MAPK10: variants seen among roughly 807,000 people sequenced by gnomAD.
The protein encoded by MAPK10 is mitogen-activated protein kinase 10.
In MAPK10, 25 loss-of-function variants were observed where a neutral mutation model predicts 59.3. The ratio of observed to expected loss-of-function variants is 0.42; its 90% CI spans 0.31 to 0.59. The LOEUF (loss-of-function observed/expected upper bound fraction) is 0.59. MAPK10 is among the 20% of genes least tolerant of loss of function. The pLI is 0.15. For missense variants in MAPK10, 351 were observed against 568.9 expected (o/e 0.62, Z 3.90); for synonymous variants, 190 against 200.5 (o/e 0.95, Z 0.44).
intron 2 of MAPK10, among the ~76,000 whole-genome samples, chr4:86,245,836 A>G (rs2093049179): frequency 6.6e-6 from 1 of 152,206 alleles, no homozygotes; most frequent in Admixed American, 6.5e-5. Flanking sequence ...GTTTTCTGAT[A>G]TGCAAAATGA....
Position 86,098,726 on chromosome 4 carries a change from G to A in MAPK10, c.731-131C>T, listed in dbSNP as rs1641444512. On this transcript the variant is annotated intron_variant, in intron 8 of 13. Transcript: ENST00000641462. ...CAATTTTCACCTCCCACCAAAAGTTGGCCAAAATGTGAATTCAAACCAGCG... is the reference window on the plus strand; with the variant it reads ...CAATTTTCACCTCCCACCAAAAGTTAGCCAAAATGTGAATTCAAACCAGCG... The A allele has an allele frequency of 4.1e-6, 3 of 739,174 alleles. No homozygotes were observed. In the African/African-American group the frequency reaches 5.2e-5, roughly 13 times the overall value. The allele number at this position is 739,174 out of a possible 1,614,324, so 45.8% of individuals were successfully genotyped here.
At chr4:86,193,760 T>C (rs1386196015) in intron 3 of MAPK10, 5 of 157,714 alleles carry the variant, frequency 3.2e-5, no homozygotes, top group Non-Finnish European at 6.8e-5. Context: ...CCAGGGGGGG[T>C]GAATGGTTCT....
intron 2 of MAPK10, among the ~76,000 whole-genome samples, chr4:86,256,743 T>C (rs868628776): frequency 0.038 from 4,973 of 131,306 alleles, 281 homozygotes; most frequent in African/African-American, 0.11. Context: ...TCTTTTTTTT[T>C]TTTTTTTTTT....
intron 1 of MAPK10, among the ~76,000 whole-genome samples, chr4:86,502,402 C>G (rs916708347): frequency 2.0e-5 from 3 of 152,082 alleles, no homozygotes; most frequent in Admixed American, 2.0e-4. Flanking sequence ...CTTGCTTCTA[C>G]TGAATTCTCC....
chr4:86,509,133 T>C (rs1756016648), intron 1 of MAPK10, among the ~76,000 whole-genome samples: 1 of 152,194 alleles, frequency 6.6e-6, no homozygotes, highest in African/African-American at 2.4e-5. Context: ...GATCTTTTTT[T>C]AGAGCATTTT....
At chr4:86,194,443 T>G (rs144404620) in intron 2 of MAPK10, 36 bp from the exon 3 acceptor site, 57 of 1,238,022 alleles carry the variant, frequency 4.6e-5, no homozygotes, top group Middle Eastern at 3.8e-4. Context: ...AATTTTCAAA[T>G]CACTAGTTTT....
At chr4:86,494,622 G>A (rs967205899) in intron 1 of MAPK10, among the ~76,000 whole-genome samples, 1 of 151,840 alleles carries the variant, frequency 6.6e-6, no homozygotes, top group East Asian at 1.9e-4. Flanking sequence ...GAGGCGGGCG[G>A]ATCACGAGGT....
chr4:86,572,966 G>C (rs1426218455), intron 1 of MAPK10, among the ~76,000 whole-genome samples: 2 of 151,842 alleles, frequency 1.3e-5, no homozygotes, highest in African/African-American at 4.8e-5. Flanking sequence ...TAAATCTTTT[G>C]CCCAATTAAA....
chr4:86,276,603 C>T (rs1375141672), intron 2 of MAPK10, among the ~76,000 whole-genome samples: 1 of 152,184 alleles, frequency 6.6e-6, no homozygotes, highest in African/African-American at 2.4e-5. Context: ...ACTCCTCTTT[C>T]TCCTTCCTTG....
chr4:86,125,726 A>C (rs1245420815), intron 4 of MAPK10: 1 of 152,178 alleles, frequency 6.6e-6, no homozygotes, highest in African/African-American at 2.4e-5. Context: ...CTACATGGCA[A>C]CTTGGATGAG....
chr4:86,231,634 A>G (rs7679167), intron 2 of MAPK10, among the ~76,000 whole-genome samples: 12,912 of 151,908 alleles, frequency 0.085, 1,221 homozygotes, highest in African/African-American at 0.23. Context: ...CTGCACTCCA[A>G]CCTGGTGACA....
At chr4:86,353,596 A>G (rs1343988254) in intron 2 of MAPK10, among the ~76,000 whole-genome samples, 3 of 152,144 alleles carry the variant, frequency 2.0e-5, no homozygotes, top group African/African-American at 7.2e-5. Context: ...TGGTAGATGG[A>G]TTGTTTTTTA....
At chr4:86,071,839 T>C (rs2048063805) in intron 9 of MAPK10, among the ~76,000 whole-genome samples, 1 of 149,132 alleles carries the variant, frequency 6.7e-6, no homozygotes, top group African/African-American at 2.5e-5. Flanking sequence ...TCCTCCAGCT[T>C]TGTTCTTTTG....
chr4:86,127,670 C>T (rs1346016152), intron 4 of MAPK10: 1 of 151,924 alleles, frequency 6.6e-6, no homozygotes, highest in Non-Finnish European at 1.5e-5. Context: ...TGGCCCTCAC[C>T]CTGAGGCACA....
chr4:86,564,486 A>G (rs1282722383), intron 1 of MAPK10, among the ~76,000 whole-genome samples: 1 of 152,204 alleles, frequency 6.6e-6, no homozygotes, highest in Admixed American at 6.5e-5. Context: ...CTCTTAAGAT[A>G]TAGTATACAA....
At chr4:86,569,014 C>T (rs1171905353) in intron 1 of MAPK10, among the ~76,000 whole-genome samples, 2 of 152,010 alleles carry the variant, frequency 1.3e-5, no homozygotes, top group Non-Finnish European at 2.9e-5. Flanking sequence ...AACAGACAAC[C>T]TACAGAATCA....
chr4:86,170,392 A>G (rs1021658755), intron 3 of MAPK10, among the ~76,000 whole-genome samples: 2 of 152,178 alleles, frequency 1.3e-5, no homozygotes, highest in African/African-American at 4.8e-5. Flanking sequence ...GAAAACAAAA[A>G]AAGGCAGAGG....
rs546801367 is a variant in MAPK10 at position 86,537,959 on chromosome 4, C to T, written c.-263+55951G>A. 4.6e-5 allele frequency among the ~76,000 whole-genome samples: 7 copies of T among 152,168 alleles called. No homozygotes were observed. The South Asian group carries it at 1.5e-3, about 32-fold the overall frequency. On this transcript the variant is annotated intron_variant, in intron 1 of 4. Coordinates refer to the MAPK10 transcript ENST00000502302. ...AAAAGTTCCAAAGTTTTATCTTTCA[C>T]AGTTTAGTCTTTAATTCACACAGAA...
intron 4 of MAPK10, among the ~76,000 whole-genome samples, chr4:86,111,854 G>GA (rs2057534518): frequency 6.7e-6 from 1 of 150,050 alleles, no homozygotes; most frequent in Non-Finnish European, 1.5e-5. Flanking sequence ...ATCCATCTTG[G>GA]CTTTTTTTGG....
Sources: gnomAD v4.1 joint callset for allele counts (sites outside exome capture counted in the v4.1 genomes callset) on GRCh38, gnomAD v4.1.1 for gene constraint, MANE v1.5 for transcripts, NCBI Gene and HGNC (gene_info 2026-07-23, HGNC 2026-07-21) for gene names.